The following NRF1 variants were observed in gnomAD, a reference collection of about 807,000 sequenced individuals.
NRF1 encodes the protein nuclear respiratory factor 1, also known as alpha palindromic-binding protein.
In NRF1, 5 loss-of-function variants were observed where a neutral mutation model predicts 58.5. The observed-to-expected ratio is 0.09, with a 90% CI of 0.04 to 0.18. NRF1 has a LOEUF of 0.18. Ranked by LOEUF, NRF1 falls within the 10% of genes least tolerant of loss-of-function variation. The pLI is 1.00. For synonymous variants in NRF1, 224 were observed against 246.7 expected, an observed-to-expected ratio of 0.91 and a Z score of 0.86; for missense variants, 288 against 657.7, an observed-to-expected ratio of 0.44 and a Z score of 6.15.
intron 3 of NRF1, 71 bp from the exon 4 acceptor site, chr7:129,677,560 TC>T (rs1802212352): frequency 7.2e-7 from 1 of 1,394,734 alleles, no homozygotes; most frequent in Admixed American, 1.8e-5. Flanking sequence ...CTGTCTTACC[TC>T]ATTTGTGTCT....
At chr7:129,698,517 T>A (rs1022197023) in intron 5 of NRF1, among the ~76,000 whole-genome samples, 1 of 152,136 alleles carries the variant, frequency 6.6e-6, no homozygotes, top group Admixed American at 6.5e-5. Context: ...AAAGGGATCC[T>A]TAGTTTGGGG....
chr7:129,657,632 CA>C, intron 2 of NRF1, 58 bp downstream of exon 2: 3 of 916,002 alleles, frequency 3.3e-6, no homozygotes, highest in Non-Finnish European at 4.8e-6. Flanking sequence ...TTTTTGGAGA[CA>C]GCGTCTCACT....
chr7:129,671,193 A>G (rs1325460256), intron 2 of NRF1, among the ~76,000 whole-genome samples: 2 of 152,196 alleles, frequency 1.3e-5, no homozygotes, highest in African/African-American at 4.8e-5. Context: ...CTAGTGTGTG[A>G]TGGGGAGGTG....
At chr7:129,690,662 A>G (rs1403302095) in intron 5 of NRF1, 116 bp downstream of exon 5, 1 of 1,108,728 alleles carries the variant, frequency 9.0e-7, no homozygotes, top group African/African-American at 1.6e-5. Context: ...TGAGATGCTG[A>G]CTGGAGTCTT....
chr7:129,633,050 G>A (rs1215198144), intron 1 of NRF1, among the ~76,000 whole-genome samples: 2 of 152,118 alleles, frequency 1.3e-5, no homozygotes, highest in African/African-American at 2.4e-5. Context: ...TAGTTGAAAA[G>A]GGGGAAAGAA....
At chr7:129,691,275 C>T (rs1324301076) in intron 5 of NRF1, among the ~76,000 whole-genome samples, 1 of 151,826 alleles carries the variant, frequency 6.6e-6, no homozygotes, top group Non-Finnish European at 1.5e-5. Context: ...GAAATTATCC[C>T]CTTTATATAT....
At chr7:129,737,215 G>A (rs1299885389) in intron 10 of NRF1, among the ~76,000 whole-genome samples, 1 of 152,214 alleles carries the variant, frequency 6.6e-6, no homozygotes, top group East Asian at 1.9e-4. Context: ...GGTGGATGCT[G>A]TAAAAATGGG....
At chr7:129,695,946 G>A (rs779010842) in intron 5 of NRF1, among the ~76,000 whole-genome samples, 2 of 151,040 alleles carry the variant, frequency 1.3e-5, no homozygotes, top group Non-Finnish European at 3.0e-5. Flanking sequence ...AGTTAGGCCG[G>A]GCGCAGTGGC....
chr7:129,616,214 T>C, intron 1 of NRF1, among the ~76,000 whole-genome samples: 1 of 152,184 alleles, frequency 6.6e-6, no homozygotes, highest in East Asian at 1.9e-4. Flanking sequence ...TGTGAACATT[T>C]ATGTGATACC....
chr7:129,727,134 C>T (rs187053902), intron 9 of NRF1, 107 bp from the exon 10 acceptor site: 1 of 1,203,766 alleles, frequency 8.3e-7, no homozygotes, highest in East Asian at 2.8e-5. Context: ...GGATCACAAC[C>T]ATGGAGTCAG....
At chr7:129,640,986 C>T (rs2151067380) in intron 1 of NRF1, among the ~76,000 whole-genome samples, 2 of 152,312 alleles carry the variant, frequency 1.3e-5, no homozygotes, top group East Asian at 3.9e-4. Flanking sequence ...GTTATTTGTA[C>T]ATCCTAACAA....
intron 5 of NRF1, among the ~76,000 whole-genome samples, chr7:129,703,456 C>G (rs1802880882): frequency 6.6e-6 from 1 of 152,178 alleles, no homozygotes. Flanking sequence ...GAGCACAGTT[C>G]CGAATTCTGG....
chr7:129,642,756 A>ACTTTTTTTTTTTTTTTTTTTTTTT lies in NRF1; in HGVS notation c.-6-14590_-6-14589insCTTTTTTTTTTTTTTTTTTTTTTT, dbSNP rs1562957544. Among the ~76,000 whole-genome samples, 5 of 131,712 alleles carry ACTTTTTTTTTTTTTTTTTTTTTTT rather than the reference A, an allele frequency of 3.8e-5. 1 individual carries two copies. The highest frequency in any genetic ancestry group is 6.6e-5 in the Non-Finnish European group (4 of 60,664). 86.4% of individuals were successfully genotyped at this position (131,712 alleles called of 152,430 possible). A position where few individuals can be genotyped will look rare whatever the true frequency, so the allele number is the denominator to read the frequency against. ...TTCTAAAAGAATACATTCTTTAAAA[A>ACTTTTTTTTTTTTTTTTTTTTTTT]ATTTTTTTTTTTTTTTTTTTAAATG... On this transcript the variant is annotated intron_variant, in intron 1 of 10. Transcript: ENST00000393232.
chr7:129,708,984 C>T (rs1803011324), intron 5 of NRF1, 91 bp from the exon 6 acceptor site: 1 of 1,132,078 alleles, frequency 8.8e-7, no homozygotes, highest in South Asian at 3.4e-5. Flanking sequence ...TCCTGGAAAC[C>T]TCTCTGTTTT....
At chr7:129,689,316 G>C (rs1802511426) in intron 4 of NRF1, among the ~76,000 whole-genome samples, 1 of 152,116 alleles carries the variant, frequency 6.6e-6, no homozygotes, top group African/African-American at 2.4e-5. Context: ...ATAGAGTCCA[G>C]CCCACTCAGC....
chr7:129,629,292 T>TC (rs1562953433), intron 1 of NRF1, among the ~76,000 whole-genome samples: 1 of 150,342 alleles, frequency 6.7e-6, no homozygotes, highest in African/African-American at 2.5e-5. Flanking sequence ...TTTTTTTTTT[T>TC]CCTGAGATGG....
intron 1 of NRF1, among the ~76,000 whole-genome samples, chr7:129,635,128 G>T (rs186020340): frequency 3.9e-5 from 6 of 152,278 alleles, no homozygotes; most frequent in African/African-American, 1.4e-4. Context: ...TCTCTAGGCG[G>T]TTGGGGATGG....
chr7:129,619,350 TAA>T (rs1191977631), intron 1 of NRF1, among the ~76,000 whole-genome samples: 5 of 108,726 alleles, frequency 4.6e-5, no homozygotes, highest in African/African-American at 1.1e-4. Flanking sequence ...TCGTATCTAT[TAA>T]AAAAAAAAAA....
chr7:129,616,238 A>G (rs1800657102), intron 1 of NRF1, among the ~76,000 whole-genome samples: 1 of 152,218 alleles, frequency 6.6e-6, no homozygotes, highest in East Asian at 1.9e-4. Context: ...TAAACTTTCT[A>G]TGACCCAAAG....
Sources: gnomAD v4.1 joint callset for allele counts (sites outside exome capture counted in the v4.1 genomes callset) on GRCh38, gnomAD v4.1.1 for gene constraint, MANE v1.5 for transcripts, NCBI Gene and HGNC (gene_info 2026-07-23, HGNC 2026-07-21) for gene names.